The following ANKFN1 variants were observed in gnomAD, a reference collection of about 807,000 sequenced individuals.
The protein encoded by ANKFN1 is ankyrin repeat and fibronectin type III domain containing 1, also known as ankyrin repeat and fibronectin type-III domain-containing protein 1.
Under a neutral mutation model 108.7 loss-of-function variants are expected in ANKFN1, and 74 were observed. The observed-to-expected ratio is 0.68, with a 90% CI of 0.56 to 0.83. ANKFN1 has a LOEUF of 0.83. Ranked by LOEUF, ANKFN1 falls within the 40% of genes least tolerant of loss-of-function variation. The pLI is 0.00. For synonymous variants in ANKFN1, 547 were observed against 516.2 expected (o/e 1.06, Z -0.81); for missense variants, 1,505 against 1,382.3 (o/e 1.09, Z -1.41).
chr17:56,132,786 T>A (rs1302659695), intron 4 of ANKFN1, among the ~76,000 whole-genome samples: 1 of 152,106 alleles, frequency 6.6e-6, no homozygotes, highest in Non-Finnish European at 1.5e-5. Context: ...AGGGTAGCCC[T>A]CTAGCTAGTT....
chr17:56,359,266 G>GA (rs1164223161), intron 6 of ANKFN1, among the ~76,000 whole-genome samples: 1 of 152,126 alleles, frequency 6.6e-6, no homozygotes, highest in East Asian at 1.9e-4. Flanking sequence ...AGAATGTAGG[G>GA]AAAAAAACCT....
At chr17:56,200,989 G>T (rs1363746266) in intron 1 of ANKFN1, among the ~76,000 whole-genome samples, 1 of 152,124 alleles carries the variant, frequency 6.6e-6, no homozygotes, top group Non-Finnish European at 1.5e-5. Flanking sequence ...CTCCAGAATA[G>T]CCCCAGTGGG....
intron 4 of ANKFN1, among the ~76,000 whole-genome samples, chr17:56,124,380 T>A (rs759810071): frequency 1.3e-5 from 2 of 152,228 alleles, no homozygotes; most frequent in East Asian, 3.9e-4. Context: ...GCTTCTGTTA[T>A]ACGCCACTGT....
At chr17:56,240,049 G>A (rs1391303316) in intron 3 of ANKFN1, among the ~76,000 whole-genome samples, 1 of 152,086 alleles carries the variant, frequency 6.6e-6, no homozygotes, top group Non-Finnish European at 1.5e-5. Context: ...GAGTAACTAT[G>A]TTTTGTCATG....
At chr17:56,391,288 T>C (rs2047425938) in intron 8 of ANKFN1, among the ~76,000 whole-genome samples, 1 of 142,314 alleles carries the variant, frequency 7.0e-6, no homozygotes, top group Non-Finnish European at 1.5e-5. Flanking sequence ...TATGTATATG[T>C]ACACACACAC....
chr17:56,466,604 C>G, intron 15 of ANKFN1, 33 bp downstream of exon 15: 2 of 1,544,964 alleles, frequency 1.3e-6, no homozygotes, highest in Non-Finnish European at 1.8e-6. Context: ...CCCGGGTATA[C>G]TTAAGGTTCC....
At chr17:56,136,749 T>G (rs972689317) in intron 4 of ANKFN1, among the ~76,000 whole-genome samples, 1 of 152,192 alleles carries the variant, frequency 6.6e-6, no homozygotes, top group Admixed American at 6.5e-5. Context: ...ATATGCAACC[T>G]TCTAGATATT....
intron 8 of ANKFN1, among the ~76,000 whole-genome samples, chr17:56,416,355 G>GA (rs917666327): frequency 4.0e-4 from 61 of 151,834 alleles, no homozygotes; most frequent in African/African-American, 1.3e-3. Flanking sequence ...AAATCTACAG[G>GA]AAAAAAAATC....
At position 56,057,139 on chromosome 17, in the gene ANKFN1, G is replaced by GAGATTTATCATGA. The variant is rs1483330028; in HGVS notation, c.288+10814_288+10815insAGATTTATCATGA. 3.3e-5 allele frequency among the ~76,000 whole-genome samples: 5 copies of GAGATTTATCATGA among 152,198 alleles called. No individual in the cohort carries two copies. The East Asian group carries it at 9.6e-4, about 29-fold the overall frequency. On this transcript the variant is annotated intron_variant, in intron 4 of 12. Coordinates refer to the ANKFN1 transcript ENST00000635860. ...TCTACTCAAGATTTATCATGAGATT[G>GAGATTTATCATGA]CAGCAATTCAGTCACACCTTTAGGT...
chr17:56,493,587 T>C (rs994065323), intron 19 of ANKFN1, among the ~76,000 whole-genome samples: 6 of 152,150 alleles, frequency 3.9e-5, no homozygotes, highest in African/African-American at 1.2e-4. Flanking sequence ...TTAAAAGCCA[T>C]AGTTAAGAAA....
At chr17:56,501,987 AAAG>A (rs1268783523) in intron 20 of ANKFN1, among the ~76,000 whole-genome samples, 3 of 152,232 alleles carry the variant, frequency 2.0e-5, no homozygotes. Flanking sequence ...AATGAGAGGT[AAAG>A]AAGTAGGACA....
chr17:56,253,717 C>T (rs139689747), intron 3 of ANKFN1, among the ~76,000 whole-genome samples: 83 of 152,144 alleles, frequency 5.5e-4, no homozygotes, highest in South Asian at 6.2e-4. Context: ...CCAGTCTGGA[C>T]GACAGAGTAA....
intron 4 of ANKFN1, among the ~76,000 whole-genome samples, chr17:56,329,283 TG>T (rs1164488204): frequency 4.6e-5 from 7 of 152,260 alleles, no homozygotes; most frequent in African/African-American, 1.7e-4. Flanking sequence ...AAAAACTTCA[TG>T]GGGGCCCTCA....
intron 4 of ANKFN1, among the ~76,000 whole-genome samples, chr17:56,327,493 C>G (rs1206525794): frequency 6.6e-6 from 1 of 152,054 alleles, no homozygotes; most frequent in African/African-American, 2.4e-5. Context: ...TAAATAAAAA[C>G]CAAAGTTAGG....
intron 4 of ANKFN1, among the ~76,000 whole-genome samples, chr17:56,065,790 G>A (rs1905050861): frequency 6.6e-6 from 1 of 151,558 alleles, no homozygotes; most frequent in South Asian, 2.1e-4. Context: ...ACTGATTGTA[G>A]GTCACCATAA....
At chr17:56,313,494 G>A (rs980795080) in intron 3 of ANKFN1, among the ~76,000 whole-genome samples, 1 of 152,166 alleles carries the variant, frequency 6.6e-6, no homozygotes, top group Non-Finnish European at 1.5e-5. Context: ...TAAAGACACT[G>A]TGTGAGCTAG....
chr17:56,048,010 T>G (rs1359510035), intron 4 of ANKFN1, among the ~76,000 whole-genome samples: 2 of 152,264 alleles, frequency 1.3e-5, no homozygotes, highest in Admixed American at 1.3e-4. Flanking sequence ...CTCTGATTTT[T>G]CCCTGTGCCA....
chr17:56,417,709 C>G (rs2048283525), intron 8 of ANKFN1, among the ~76,000 whole-genome samples: 1 of 152,126 alleles, frequency 6.6e-6, no homozygotes, highest in Non-Finnish European at 1.5e-5. Flanking sequence ...GAGAATTGAT[C>G]CATGTGTAGG....
intron 8 of ANKFN1, among the ~76,000 whole-genome samples, chr17:56,398,050 A>G (rs1447328391): frequency 6.6e-6 from 1 of 152,114 alleles, no homozygotes; most frequent in Admixed American, 6.6e-5. Flanking sequence ...GTATTCTTTC[A>G]GGGGACCATG....
Sources: gnomAD v4.1 joint callset for allele counts (sites outside exome capture counted in the v4.1 genomes callset) on GRCh38, gnomAD v4.1.1 for gene constraint, MANE v1.5 for transcripts, NCBI Gene and HGNC (gene_info 2026-07-23, HGNC 2026-07-21) for gene names.